CYSLTR2: variants seen among roughly 807,000 people sequenced by gnomAD.
The protein encoded by CYSLTR2 is cysteinyl leukotriene receptor 2, also known as G-protein coupled receptor GPCR21.
For synonymous variants in CYSLTR2, 179 were observed against 160.8 expected (o/e 1.11, Z -0.86); for missense variants, 398 against 411.9 (o/e 0.97, Z 0.29).
rs1165528495 is a variant in CYSLTR2, at chr13:48,660,761, T to C, written c.-266+6744T>C. ...TCTAGAAAGCTTGGCATTTCTGACA[T>C]GACATTTGGAGCCTGTTACAAATAA... is the stretch of plus-strand genomic sequence containing the variant. On this transcript the variant is annotated intron_variant, in intron 1 of 4. Coordinates refer to ENST00000682523, the MANE Select transcript of CYSLTR2 (RefSeq NM_001308476.3). 4.6e-5 allele frequency among the ~76,000 whole-genome samples: 7 copies of C among 152,350 alleles called. No individual in the cohort carries two copies. In the East Asian group the frequency reaches 1.3e-3, roughly 29 times the overall value.
intron 4 of CYSLTR2, among the ~76,000 whole-genome samples, chr13:48,701,641 C>T (rs879879111): frequency 3.9e-5 from 6 of 152,170 alleles, no homozygotes; most frequent in Admixed American, 3.9e-4. Context: ...ATTTATGCAA[C>T]CAACAGACAC....
rs975911465 is a variant in CYSLTR2 at position 48,702,340 on chromosome 13, A to G, written c.-1-4477A>G. 5.9e-5 allele frequency among the ~76,000 whole-genome samples: 9 copies of G among 152,140 alleles called. 1 individual carries two copies. Among genetic ancestry groups the G allele is most frequent in the Admixed American group, 3.3e-4 (5 of 15,284 alleles). On this transcript the variant is annotated intron_variant, in intron 4 of 4. Transcript: ENST00000682523. ...TAGTTAATGGGTGCAGCACACCAAC[A>G]TGGCACATGTATACATATGTAACAA... is the stretch of plus-strand genomic sequence containing the variant.
intron 1 of CYSLTR2, among the ~76,000 whole-genome samples, chr13:48,668,683 G>T (rs1336484034): frequency 6.6e-6 from 1 of 151,788 alleles, no homozygotes; most frequent in African/African-American, 2.4e-5. Flanking sequence ...AGGTATATAT[G>T]TGCCATGGTG....
chr13:48,701,232 A>G (rs988082991), intron 4 of CYSLTR2, among the ~76,000 whole-genome samples: 1 of 152,244 alleles, frequency 6.6e-6, no homozygotes, highest in South Asian at 2.1e-4. Context: ...ACTTCAAGCT[A>G]TACTACAAGG....
At chr13:48,692,053 A>G (rs1344859905) in intron 2 of CYSLTR2, among the ~76,000 whole-genome samples, 1 of 152,090 alleles carries the variant, frequency 6.6e-6, no homozygotes, top group African/African-American at 2.4e-5. Context: ...TTTAGACACA[A>G]AAGACATATT....
At chr13:48,672,245 AT>A (rs1210107595) in intron 1 of CYSLTR2, among the ~76,000 whole-genome samples, 1 of 151,870 alleles carries the variant, frequency 6.6e-6, no homozygotes, top group Non-Finnish European at 1.5e-5. Flanking sequence ...TTTTGAATTC[AT>A]TTTTTAAAGG....
In CYSLTR2 at chr13:48,711,016, T is replaced by A. The variant is rs1954618315; in HGVS notation, c.*3158T>A. 1 of 152,002 alleles carries A rather than the reference T, an allele frequency of 6.6e-6. No homozygotes were observed. The highest frequency in any genetic ancestry group is 1.5e-5 in the Non-Finnish European group (1 of 68,002). The allele number at this position is 152,002 out of a possible 1,614,324, so 9.4% of individuals were successfully genotyped here. On this transcript the variant is annotated 3_prime_UTR_variant, in exon 5 of 5. Coordinates refer to ENST00000682523, the MANE Select transcript of CYSLTR2 (RefSeq NM_001308476.3). ...CATAATAACTAAATCTGGAAAATGA[T>A]GAATAGCTGTACAACCATATTATTT...
rs151128406 is a variant in CYSLTR2 at position 48,671,258 on chromosome 13, T to G, written c.-266+17241T>G. Among the ~76,000 whole-genome samples, 40 of 152,354 alleles carry G rather than the reference T, an allele frequency of 2.6e-4. No homozygotes were observed. In the East Asian group the frequency reaches 7.1e-3, roughly 27 times the overall value. On this transcript the variant is annotated intron_variant, in intron 1 of 4. Coordinates refer to ENST00000682523, the MANE Select transcript of CYSLTR2 (RefSeq NM_001308476.3). ...TGGACTTCCTCTCTTCCTATTTGAA[T>G]ACACTTTGTTTCTTTCTCTTGCCTG...
At chr13:48,656,319 T>C (rs1952996568) in intron 1 of CYSLTR2, among the ~76,000 whole-genome samples, 1 of 152,228 alleles carries the variant, frequency 6.6e-6, no homozygotes, top group South Asian at 2.1e-4. Flanking sequence ...GTTTTGTACA[T>C]TATTGTCACA....
intron 2 of CYSLTR2, among the ~76,000 whole-genome samples, chr13:48,691,583 A>T (rs1434379216): frequency 1.3e-5 from 2 of 152,116 alleles, no homozygotes; most frequent in Non-Finnish European, 2.9e-5. Context: ...TGCTGTGACT[A>T]CTAGAGCTAA....
At chr13:48,703,755 G>C (rs1954411223) in intron 4 of CYSLTR2, among the ~76,000 whole-genome samples, 1 of 152,054 alleles carries the variant, frequency 6.6e-6, no homozygotes, top group African/African-American at 2.4e-5. Context: ...AAAATAAATT[G>C]GGAAATACCT....
chr13:48,707,817 T>C lies in CYSLTR2; in HGVS notation c.1000T>C (p.Phe334Leu). ...ACAGAAGGCAAAGACAAAGTGTGTT[T>C]TCCCTGTTAGTGTGTGGTTGAGAAA... is the stretch of plus-strand genomic sequence containing the variant. ...HPQKAKTKCV[F>L]PVSVWLRKET... is the part of the protein sequence containing the mutation. Residue 334 changes from phenylalanine to leucine, a missense_variant, in exon 5 of 5, where the codon TTC (phenylalanine) becomes CTC (leucine). Coordinates refer to ENST00000682523, the MANE Select transcript of CYSLTR2 (RefSeq NM_001308476.3). The C allele has an allele frequency of 6.5e-7, 1 of 1,545,842 alleles. No homozygotes were observed.
chr13:48,675,010 G>C (rs1016442336), intron 1 of CYSLTR2, among the ~76,000 whole-genome samples: 7 of 152,160 alleles, frequency 4.6e-5, no homozygotes, highest in Non-Finnish European at 1.0e-4. Context: ...TTGTCCCAGA[G>C]GGACACCTGC....
In CYSLTR2 at chr13:48,658,069, A is replaced by C. The variant is rs532941270; in HGVS notation, c.-266+4052A>C. Among the ~76,000 whole-genome samples the C allele has an allele frequency of 3.2e-4, 49 of 152,210 alleles. 1 individual carries two copies. The highest frequency in any genetic ancestry group is 6.8e-3 in the Middle Eastern group (2 of 294). On this transcript the variant is annotated intron_variant, in intron 1 of 4. Coordinates refer to ENST00000682523, the MANE Select transcript of CYSLTR2 (RefSeq NM_001308476.3). ...TCACTGTTCCTTTGTAAATTCACTG[A>C]GAGATATGAAGGTGACTCCCTTTTA...
Position 48,707,882 on chromosome 13 carries a change from C to A in CYSLTR2, c.*24C>A. 6.7e-7 allele frequency: 1 copy of A among 1,485,500 alleles called. No homozygotes were observed. The highest frequency in any genetic ancestry group is 2.3e-5 in the East Asian group (1 of 43,722). The allele number at this position is 1,485,500 out of a possible 1,614,324, so 92.0% of individuals were successfully genotyped here. ...AAGGAGCTCTTAGATGAGACCTGTT[C>A]TTGTATCCTTGTGTCCATCTTCATT... On this transcript the variant is annotated 3_prime_UTR_variant, in exon 5 of 5. Transcript: ENST00000682523.
chr13:48,702,815 C>G (rs546696648), intron 4 of CYSLTR2, among the ~76,000 whole-genome samples: 14 of 152,152 alleles, frequency 9.2e-5, no homozygotes, highest in Non-Finnish European at 1.5e-4. Context: ...ATAATCCTAT[C>G]TATATCTACA....
In CYSLTR2 at chr13:48,707,001, G is replaced by A; in HGVS notation, c.184G>A (p.Val62Ile). 3.1e-6 allele frequency: 5 copies of A among 1,614,136 alleles called. No individual in the cohort carries two copies. Among genetic ancestry groups the A allele is most frequent in the Non-Finnish European group, 4.2e-6 (5 of 1,180,036 alleles). The stretch of plus-strand genomic sequence containing the variant: ...CTTGGGAAATGGGTTGTCCATATAT[G>A]TTTTCCTGCAGCCTTATAAGAAGTC... ...GVLGNGLSIY[V>I]FLQPYKKSTS... The change falls in exon 5 of 5, where the codon GTT becomes ATT. Residue 62 changes from valine to isoleucine, a missense_variant. By Grantham distance (29) the Val-to-Ile change is conservative. Transcript: ENST00000682523.
At chr13:48,692,343 C>CA (rs1954060319) in intron 2 of CYSLTR2, among the ~76,000 whole-genome samples, 1 of 151,860 alleles carries the variant, frequency 6.6e-6, no homozygotes, top group Non-Finnish European at 1.5e-5. Flanking sequence ...ATGGGCATAG[C>CA]ATAACTTAAT....
At chr13:48,675,091 G>A (rs1593961989) in intron 1 of CYSLTR2, among the ~76,000 whole-genome samples, 1 of 152,126 alleles carries the variant, frequency 6.6e-6, no homozygotes, top group Non-Finnish European at 1.5e-5. Context: ...CCAGTCAGGG[G>A]GCATGGGGTT....
Sources: allele counts gnomAD v4.1 joint callset (sites outside exome capture counted in the v4.1 genomes callset), GRCh38; gene constraint gnomAD v4.1.1; transcripts MANE v1.5; gene names NCBI Gene and HGNC (gene_info 2026-07-23, HGNC 2026-07-21).